The following ROR1 variants were observed in gnomAD, a reference collection of about 807,000 sequenced individuals.
ROR1 encodes inactive tyrosine-protein kinase transmembrane receptor ROR1.
In ROR1, 19 loss-of-function variants were observed where a neutral mutation model predicts 78.8. The observed-to-expected ratio is 0.24, with a 90% confidence interval of 0.17 to 0.35. ROR1 has a LOEUF of 0.35. ROR1 is among the 10% of genes least tolerant of loss of function. The probability of loss-of-function intolerance (pLI) is 1.00; values close to 1 mark genes in which losing one functional copy is unlikely to be tolerated. For missense variants in ROR1, 917 were observed against 1,177.8 expected, an observed-to-expected ratio of 0.78 and a Z score of 3.24; for synonymous variants, 386 against 433.6, an observed-to-expected ratio of 0.89 and a Z score of 1.36.
intron 4 of ROR1, among the ~76,000 whole-genome samples, chr1:64,104,671 A>G (rs1191034364): frequency 6.6e-6 from 1 of 151,676 alleles, no homozygotes; most frequent in Non-Finnish European, 1.5e-5. Flanking sequence ...TCCATGTGTT[A>G]TCATGGTTCA....
chr1:63,866,458 T>A (rs549493031), intron 1 of ROR1, among the ~76,000 whole-genome samples: 3 of 152,356 alleles, frequency 2.0e-5, no homozygotes, highest in Admixed American at 2.0e-4. Flanking sequence ...TACATCCACT[T>A]GATCATCTTG....
At chr1:63,961,218 A>G (rs536621146) in intron 1 of ROR1, among the ~76,000 whole-genome samples, 6 of 152,310 alleles carry the variant, frequency 3.9e-5, no homozygotes, top group Admixed American at 3.9e-4. Flanking sequence ...GAAAACGGGG[A>G]ACCCATACAC....
intron 1 of ROR1, among the ~76,000 whole-genome samples, chr1:63,946,547 T>C (rs1442676218): frequency 6.6e-6 from 1 of 152,226 alleles, no homozygotes; most frequent in Admixed American, 6.5e-5. Context: ...TAATTGAGCA[T>C]ATACCTCAAC....
In ROR1 at chr1:64,140,291, A is replaced by AT; in HGVS notation, c.798dup (p.Ala267CysfsTer17). On this transcript the variant is annotated frameshift_variant, in exon 6 of 9. Coordinates refer to ENST00000371079, the MANE Select transcript of ROR1 (RefSeq NM_005012.4). LOFTEE classifies it high-confidence loss of function. ...GAATGTCCTGTGTCAAACAGAGTACATTTTTGCAAGATCAAATCCCATGAT... is the reference window on the plus strand; with the variant it reads ...GAATGTCCTGTGTCAAACAGAGTACATTTTTTGCAAGATCAAATCCCATGAT... 1 of 1,614,138 alleles carries AT rather than the reference A, an allele frequency of 6.2e-7. No homozygotes were observed. Among genetic ancestry groups the AT allele is most frequent in the Non-Finnish European group, 8.5e-7 (1 of 1,180,010 alleles).
intron 2 of ROR1, among the ~76,000 whole-genome samples, chr1:64,032,518 A>G (rs1016741544): frequency 6.6e-6 from 1 of 152,186 alleles, no homozygotes; most frequent in Non-Finnish European, 1.5e-5. Context: ...CTGAAGCTTA[A>G]CAGACATGAC....
chr1:63,814,722 T>C lies in ROR1; in HGVS notation c.91+40214T>C, dbSNP rs2100274571. Among the ~76,000 whole-genome samples, 4 of 152,188 alleles carry C rather than the reference T, an allele frequency of 2.6e-5. No individual in the cohort carries two copies. The Middle Eastern group carries it at 0.014, about 518-fold the overall frequency. ...TCCTATGAGAATCTAATGCCACCAC[T>C]GATCTGACAGGAGGTGGAGCTCAGG... On this transcript the variant is annotated intron_variant, in intron 1 of 8. Coordinates refer to ENST00000371079, the MANE Select transcript of ROR1 (RefSeq NM_005012.4).
At chr1:64,169,970 A>G (rs1472207489) in intron 8 of ROR1, among the ~76,000 whole-genome samples, 1 of 152,082 alleles carries the variant, frequency 6.6e-6, no homozygotes, top group Non-Finnish European at 1.5e-5. Flanking sequence ...ACACCTCTGC[A>G]CCTTTGCAGG....
intron 1 of ROR1, among the ~76,000 whole-genome samples, chr1:64,006,014 C>T (rs1285136983): frequency 3.3e-5 from 5 of 152,058 alleles, no homozygotes; most frequent in African/African-American, 4.8e-5. Context: ...TCCAGGGACA[C>T]GTGGGGAACA....
intron 1 of ROR1, among the ~76,000 whole-genome samples, chr1:63,946,601 G>T (rs144195732): frequency 6.6e-6 from 1 of 152,194 alleles, no homozygotes. Context: ...TTTGAAGAAA[G>T]ATATAATTTC....
intron 1 of ROR1, among the ~76,000 whole-genome samples, chr1:63,777,949 A>G (rs775785024): frequency 4.6e-5 from 7 of 152,368 alleles, no homozygotes; most frequent in Middle Eastern, 6.8e-3. Context: ...TTTGCTTAGT[A>G]AAAATGCAAC....
chr1:64,115,865 G>A (rs2806538), intron 4 of ROR1, among the ~76,000 whole-genome samples: 147,839 of 152,168 alleles, frequency 0.97, 71,917 homozygotes, highest in East Asian at 1. Context: ...ACCTGCCTCT[G>A]CATGATTCTT....
Position 63,811,669 on chromosome 1 carries a change from C to T in ROR1, c.91+37161C>T, listed in dbSNP as rs976235290. ...GGAAGTAAGTAAGGTTCTGCTAGTT[C>T]CCTGGTGAACATAGAATGGTACTTC... On this transcript the variant is annotated intron_variant, in intron 1 of 8. Transcript: ENST00000371079. 4.6e-5 allele frequency among the ~76,000 whole-genome samples: 7 copies of T among 152,090 alleles called. 1 individual carries two copies. The highest frequency in any genetic ancestry group is 1.3e-4 in the Admixed American group (2 of 15,274).
chr1:63,856,812 T>C (rs1328991629), intron 1 of ROR1, among the ~76,000 whole-genome samples: 2 of 152,220 alleles, frequency 1.3e-5, no homozygotes, highest in Non-Finnish European at 2.9e-5. Flanking sequence ...TTTTATTCTT[T>C]CTGTCTGAAA....
chr1:64,016,733 T>TATATATATATA (rs1553151713), intron 2 of ROR1, among the ~76,000 whole-genome samples: 109 of 140,606 alleles, frequency 7.8e-4, no homozygotes, highest in African/African-American at 2.8e-3. Context: ...TAAAATATAA[T>TATATATATATA]TATATATATA....
chr1:63,833,089 A>G (rs958427783), intron 1 of ROR1, among the ~76,000 whole-genome samples: 11 of 152,310 alleles, frequency 7.2e-5, no homozygotes, highest in African/African-American at 2.6e-4. Context: ...ACAATTTTGC[A>G]TAGTGTGGTG....
chr1:64,072,663 T>C (rs1647016632), intron 4 of ROR1, among the ~76,000 whole-genome samples: 1 of 152,142 alleles, frequency 6.6e-6, no homozygotes, highest in African/African-American at 2.4e-5. Context: ...GTAAAAATAA[T>C]AGTTCCCACA....
intron 1 of ROR1, among the ~76,000 whole-genome samples, chr1:63,776,303 A>G (rs1644615957): frequency 6.6e-6 from 1 of 152,218 alleles, no homozygotes; most frequent in Non-Finnish European, 1.5e-5. Flanking sequence ...AGCCACCCCA[A>G]TTCTGTCTCC....
At chr1:63,814,654 G>A (rs180735160) in intron 1 of ROR1, among the ~76,000 whole-genome samples, 21 of 151,916 alleles carry the variant, frequency 1.4e-4, no homozygotes, top group African/African-American at 4.6e-4. Flanking sequence ...TAAGGAGCAC[G>A]CAACTTAGAT....
intron 8 of ROR1, among the ~76,000 whole-genome samples, chr1:64,173,900 C>T (rs1412508548): frequency 6.6e-6 from 1 of 152,176 alleles, no homozygotes; most frequent in East Asian, 1.9e-4. Context: ...ATTCACATCT[C>T]AGAGGAGCCA....
Sources: allele counts gnomAD v4.1 joint callset (sites outside exome capture counted in the v4.1 genomes callset), GRCh38; gene constraint gnomAD v4.1.1; transcripts MANE v1.5; gene names NCBI Gene and HGNC (gene_info 2026-07-23, HGNC 2026-07-21).